The following USP31 variants were observed in gnomAD, a reference collection of about 807,000 sequenced individuals.
The protein encoded by USP31 is ubiquitin carboxyl-terminal hydrolase 31.
In USP31, 44 loss-of-function variants were observed where a neutral mutation model predicts 119.4. The observed-to-expected ratio is 0.37, with a 90% CI of 0.29 to 0.47. The LOEUF is 0.47. USP31 is among the 20% of genes least tolerant of loss of function. USP31 has a pLI of 0.99. For synonymous variants in USP31, 749 were observed against 705.6 expected, an observed-to-expected ratio of 1.06 and a Z score of -0.97; for missense variants, 1,643 against 1,730.2, an observed-to-expected ratio of 0.95 and a Z score of 0.89.
intron 1 of USP31, among the ~76,000 whole-genome samples, chr16:23,141,658 C>T (rs1449987361): frequency 6.6e-6 from 1 of 152,150 alleles, no homozygotes; most frequent in African/African-American, 2.4e-5. Context: ...ATTACAGGCA[C>T]ATGCCACCAT....
intron 1 of USP31, among the ~76,000 whole-genome samples, chr16:23,110,907 T>C (rs1301412088): frequency 6.6e-6 from 1 of 152,042 alleles, no homozygotes; most frequent in Non-Finnish European, 1.5e-5. Flanking sequence ...GGAGGGTGGA[T>C]CACGAGGTCA....
At chr16:23,105,405 T>C (rs762167111) in intron 5 of USP31, 36 bp downstream of exon 5, 1 of 1,525,650 alleles carries the variant, frequency 6.6e-7, no homozygotes, top group Admixed American at 2.0e-5. Flanking sequence ...AATACTTTTG[T>C]GGCTCATGTG....
chr16:23,104,189 A>G (rs1287025987), intron 5 of USP31, among the ~76,000 whole-genome samples: 1 of 152,196 alleles, frequency 6.6e-6, no homozygotes, highest in Non-Finnish European at 1.5e-5. Flanking sequence ...ACATTCTGCA[A>G]ATCTACCAGG....
intron 1 of USP31, among the ~76,000 whole-genome samples, chr16:23,120,991 G>A (rs6497648): frequency 6.6e-6 from 1 of 151,958 alleles, no homozygotes; most frequent in Non-Finnish European, 1.5e-5. Context: ...TTTATTATAA[G>A]AGACCTAAAA....
At chr16:23,138,578 C>T (rs749148247) in intron 1 of USP31, among the ~76,000 whole-genome samples, 18 of 152,158 alleles carry the variant, frequency 1.2e-4, no homozygotes, top group East Asian at 1.9e-4. Flanking sequence ...AACATGGCAC[C>T]GAAGGACTTC....
chr16:23,111,082 C>T (rs1451100561), intron 1 of USP31, among the ~76,000 whole-genome samples: 1 of 152,040 alleles, frequency 6.6e-6, no homozygotes. Flanking sequence ...GAGCCAAGAT[C>T]GTGCCACTGC....
Position 23,149,450 on chromosome 16 carries a change from C to A in USP31, c.-180G>T, listed in dbSNP as rs1473549025. On this transcript the variant is annotated 5_prime_UTR_variant, in exon 1 of 16. Coordinates refer to ENST00000219689, the MANE Select transcript of USP31 (RefSeq NM_020718.4). ...GGCCGGCGGGGCCAGCGGGCGCGCG[C>A]GCGGTCCGCCCAGCTGAGCCGCTCA... Among the ~76,000 whole-genome samples the A allele has an allele frequency of 5.4e-5, 8 of 148,932 alleles. No individual in the cohort carries two copies. Among genetic ancestry groups the A allele is most frequent in the Admixed American group, 3.3e-4 (5 of 14,992 alleles).
At position 23,149,147 on chromosome 16, in the gene USP31, CG is replaced by C; in HGVS notation, c.123del (p.Ala43ArgfsTer23). ...GAAGGCGCGGCCGGCCCGGACGCCC[CG>C]GGGCCCCCCGCGCCGCCGCCGCCAG... ...GRAGGGGAGGPGASGPAAPSS... is the reference protein window; with the variant it reads ...GRAGGGGAGGXGASGPAAPSS... On this transcript the variant is annotated frameshift_variant, in exon 1 of 16. Coordinates refer to ENST00000219689, the MANE Select transcript of USP31 (RefSeq NM_020718.4). LOFTEE classifies it high-confidence loss of function. The C allele has an allele frequency of 3.4e-6, 4 of 1,183,230 alleles. No individual in the cohort carries two copies. The highest frequency in any genetic ancestry group is 3.2e-5 in the South Asian group (1 of 31,224). 73.3% of individuals were successfully genotyped at this position (1,183,230 alleles called of 1,614,324 possible). A position where few individuals can be genotyped will look rare whatever the true frequency, so the allele number is the denominator to read the frequency against.
chr16:23,103,658 T>C (rs922706788), intron 5 of USP31, among the ~76,000 whole-genome samples: 3 of 152,242 alleles, frequency 2.0e-5, no homozygotes, highest in Non-Finnish European at 1.5e-5. Context: ...CTCAAGCCAG[T>C]AATCCCAGCA....
Position 23,105,660 on chromosome 16 carries a change from TCAA to T in USP31, c.954-87_954-85del, listed in dbSNP as rs1489102112. The T allele has an allele frequency of 5.1e-6, 7 of 1,369,098 alleles. No homozygotes were observed. In the African/African-American group the frequency reaches 1.0e-4, roughly 20 times the overall value. 84.8% of individuals were successfully genotyped at this position (1,369,098 alleles called of 1,614,324 possible). A position where few individuals can be genotyped will look rare whatever the true frequency, so the allele number is the denominator to read the frequency against. ...GATGCAAAATAAACCTGAGACGAAA[TCAA>T]CAAAAAACTAAAGCTAACCCACACT... is the stretch of plus-strand genomic sequence containing the variant. On this transcript the variant is annotated intron_variant, in intron 4 of 15. Coordinates refer to ENST00000219689, the MANE Select transcript of USP31 (RefSeq NM_020718.4).
At chr16:23,087,919 C>T (rs542987985) in intron 7 of USP31, 84 bp from the exon 8 acceptor site, 21 of 1,196,848 alleles carry the variant, frequency 1.8e-5, no homozygotes, top group South Asian at 1.1e-4. Flanking sequence ...TCTCTTAAAA[C>T]GGAATCACAA....
At position 23,090,632 on chromosome 16, in the gene USP31, T is replaced by G; in HGVS notation, c.1407A>C (p.Gln469His). ...AATAATCTGGTTCTCACCTTTTCCC[T>G]TGTTGCCCAGTGCAGGCTCGGTTAC... ...LVCNRACTGQ[Q>H]GKRFGLPFVL... Residue 469 changes from glutamine (Q) to histidine (H), a missense_variant, in exon 7 of 16, where the codon CAA becomes CAC. Gln to His is a conservative substitution (Grantham distance 24). Coordinates refer to ENST00000219689, the MANE Select transcript of USP31 (RefSeq NM_020718.4). 6.2e-7 allele frequency: 1 copy of G among 1,606,290 alleles called. No homozygotes were observed. The highest frequency in any genetic ancestry group is 8.5e-7 in the Non-Finnish European group (1 of 1,173,872).
At chr16:23,105,693 C>T (rs1902070024) in intron 4 of USP31, 117 bp from the exon 5 acceptor site, 1 of 1,186,860 alleles carries the variant, frequency 8.4e-7, no homozygotes, top group East Asian at 2.9e-5. Flanking sequence ...CACACTGTTA[C>T]TCGGAAGCCC....
chr16:23,087,909 T>A, intron 7 of USP31, 74 bp from the exon 8 acceptor site: 1 of 1,305,728 alleles, frequency 7.7e-7, no homozygotes, highest in South Asian at 1.3e-5. Flanking sequence ...TTTTTCTCGA[T>A]CTCTTAAAAC....
rs13339649 is a variant in USP31, at chr16:23,087,101, A to G, written c.1613T>C (p.Ile538Thr). Residue 538 changes from isoleucine to threonine, a missense_variant, in exon 9 of 16, where the codon ATA becomes ACA. By Grantham distance (89) the Ile-to-Thr change is moderately conservative. This residue lies in a region of USP31 where 219 missense variants were observed against 226.4 expected (regional missense o/e 0.97). Coordinates refer to ENST00000219689, the MANE Select transcript of USP31 (RefSeq NM_020718.4). ...PQEEQPLCHPIVERALKSCGP... is the reference protein window; with the variant it reads ...PQEEQPLCHPTVERALKSCGP... ...AAAAAATTTTTTTTACCTTTCTACT[A>G]TTGGGTGGCACAAGGGCTGCTCCTC... The G allele has an allele frequency of 0.3, 484,922 of 1,611,408 alleles. 75,308 individuals are homozygous for G. Among genetic ancestry groups the G allele is most frequent in the Admixed American group, 0.41 (24,397 of 59,642 alleles).
chr16:23,101,318 T>G (rs925874283), intron 6 of USP31, among the ~76,000 whole-genome samples: 8 of 151,948 alleles, frequency 5.3e-5, no homozygotes, highest in East Asian at 1.9e-4. Flanking sequence ...AAGAGGAGGA[T>G]AGTAGTGCCA....
At chr16:23,133,052 C>T (rs1468226064) in intron 1 of USP31, among the ~76,000 whole-genome samples, 1 of 152,152 alleles carries the variant, frequency 6.6e-6, no homozygotes, top group Non-Finnish European at 1.5e-5. Flanking sequence ...ATGTGACTGC[C>T]CCCCTACAGT....
At position 23,064,581 on chromosome 16, in the gene USP31, CT is replaced by C. The variant is rs1899990956; in HGVS notation, c.*3464del. 6.6e-6 allele frequency: 1 copy of C among 152,180 alleles called. No individual in the cohort carries two copies. Among genetic ancestry groups the C allele is most frequent in the African/African-American group, 2.4e-5 (1 of 41,436 alleles). 9.4% of individuals were successfully genotyped at this position (152,180 alleles called of 1,614,324 possible). A position where few individuals can be genotyped will look rare whatever the true frequency, so the allele number is the denominator to read the frequency against. On this transcript the variant is annotated 3_prime_UTR_variant, in exon 16 of 16. Coordinates refer to ENST00000219689, the MANE Select transcript of USP31 (RefSeq NM_020718.4). The stretch of plus-strand genomic sequence containing the variant: ...AGGTGGATGGAAGAGTAAAATGTCT[CT>C]AAAGATGAAGGGCACTTTTGGTTTC...
At position 23,148,917 on chromosome 16, in the gene USP31, A is replaced by T; in HGVS notation, c.354T>A (p.Ala118=). The T allele has an allele frequency of 7.5e-7, 1 of 1,336,976 alleles. No individual in the cohort carries two copies. The allele number at this position is 1,336,976 out of a possible 1,614,324, so 82.8% of individuals were successfully genotyped here. A position where few individuals can be genotyped will look rare whatever the true frequency, so the allele number is the denominator to read the frequency against. ...CGCCGGGCACCGGCTCGGCGGCGCA[A>T]GCGGGCGGCGCGGGAGAGGCGGGCG... ...PPPPASPAPP[A]CAAEPVPGVA... is the part of the protein sequence containing the mutation. Residue 118 remains alanine (A), a synonymous_variant, in exon 1 of 16, where the codon GCT becomes GCA. Transcript: ENST00000219689.
Sources: gnomAD v4.1 joint callset for allele counts (sites outside exome capture counted in the v4.1 genomes callset) on GRCh38, gnomAD v4.1.1 for gene constraint, gnomAD v4.1.1 regional missense constraint, MANE v1.5 for transcripts, NCBI Gene and HGNC (gene_info 2026-07-23, HGNC 2026-07-21) for gene names.